BMPER: variants seen among roughly 807,000 people sequenced by gnomAD.
BMPER encodes BMP-binding endothelial regulator protein.
BMPER carries 45 observed loss-of-function variants against 87.3 expected under a neutral mutation model. The observed-to-expected ratio is 0.52, with a 90% confidence interval of 0.41 to 0.66. The LOEUF is 0.66. Among genes scored for constraint, BMPER ranks in the 30% least tolerant of loss-of-function variants. The probability of loss-of-function intolerance (pLI) is 0.00; values close to 1 mark genes in which losing one functional copy is unlikely to be tolerated. For synonymous variants in BMPER, 326 were observed against 316.2 expected, an observed-to-expected ratio of 1.03 and a Z score of -0.33; for missense variants, 784 against 867.5, an observed-to-expected ratio of 0.90 and a Z score of 1.21.
intron 2 of BMPER, among the ~76,000 whole-genome samples, chr7:33,928,605 G>C (rs1467684390): frequency 2.6e-5 from 3 of 115,458 alleles, no homozygotes; most frequent in African/African-American, 1.0e-4. Flanking sequence ...CTAATGGCCT[G>C]TGTTTCTTTG....
intron 9 of BMPER, among the ~76,000 whole-genome samples, chr7:34,057,541 G>A (rs2127963101): frequency 6.6e-6 from 1 of 152,262 alleles, no homozygotes; most frequent in East Asian, 1.9e-4. Flanking sequence ...TCTGAGCACT[G>A]GGAGTCATTT....
chr7:34,077,943 A>G (rs1007171979), intron 11 of BMPER, among the ~76,000 whole-genome samples: 3 of 151,856 alleles, frequency 2.0e-5, no homozygotes, highest in East Asian at 3.9e-4. Flanking sequence ...TTGGGCTACT[A>G]TCTCTAAATG....
intron 3 of BMPER, among the ~76,000 whole-genome samples, chr7:33,945,627 T>A (rs886585681): frequency 6.6e-6 from 1 of 152,258 alleles, no homozygotes; most frequent in East Asian, 1.9e-4. Context: ...TGTCTGTCCA[T>A]GTAGTATTGA....
In BMPER at chr7:33,922,921, T is replaced by G. The variant is rs546514881; in HGVS notation, c.220-14368T>G. ...CCTTCTAATATGTGGGAAGGAAATATTATGTTGAAAGTACAGAGAGGAGTA... is the reference window on the plus strand; with the variant it reads ...CCTTCTAATATGTGGGAAGGAAATAGTATGTTGAAAGTACAGAGAGGAGTA... On this transcript the variant is annotated intron_variant, in intron 2 of 14. Coordinates refer to ENST00000649409, the MANE Select transcript of BMPER (RefSeq NM_001365308.1). Among the ~76,000 whole-genome samples the G allele has an allele frequency of 7.9e-5, 12 of 152,254 alleles. No individual in the cohort carries two copies. In the South Asian group the frequency reaches 1.7e-3, roughly 21 times the overall value.
chr7:33,912,378 T>A (rs1056058794), intron 2 of BMPER, among the ~76,000 whole-genome samples: 1 of 152,218 alleles, frequency 6.6e-6, no homozygotes, highest in African/African-American at 2.4e-5. Context: ...TTTTGTTGCC[T>A]ACTTACTCAA....
intron 2 of BMPER, among the ~76,000 whole-genome samples, chr7:33,916,367 G>T (rs1174122293): frequency 6.6e-6 from 1 of 152,188 alleles, no homozygotes. Context: ...ATTAAATCAG[G>T]AAGTGGCAGG....
intron 13 of BMPER, among the ~76,000 whole-genome samples, chr7:34,116,350 G>GT: frequency 6.6e-6 from 1 of 152,080 alleles, no homozygotes; most frequent in Non-Finnish European, 1.5e-5. Flanking sequence ...AATACAGTGA[G>GT]TTTTTTTTCC....
chr7:34,007,895 G>T (rs149707242), intron 6 of BMPER, among the ~76,000 whole-genome samples: 2 of 152,006 alleles, frequency 1.3e-5, no homozygotes, highest in East Asian at 1.9e-4. Flanking sequence ...TCTTTTTGAA[G>T]GCTGCAGTGA....
At position 33,920,930 on chromosome 7, in the gene BMPER, C is replaced by T. The variant is rs17170496; in HGVS notation, c.219+14027C>T. 6.0e-3 allele frequency among the ~76,000 whole-genome samples: 907 copies of T among 152,272 alleles called. 24 individuals carry two copies. The East Asian group carries it at 0.082, about 14-fold the overall frequency. ...TTTATAATAGGTCAACTACCGTTTA[C>T]GTAATGTTGCTTTCGTGGAACTTTT... is the stretch of plus-strand genomic sequence containing the variant. On this transcript the variant is annotated intron_variant, in intron 2 of 14. Coordinates refer to ENST00000649409, the MANE Select transcript of BMPER (RefSeq NM_001365308.1).
intron 3 of BMPER, among the ~76,000 whole-genome samples, chr7:33,946,942 T>G (rs945511352): frequency 2.6e-5 from 4 of 152,232 alleles, no homozygotes. Context: ...ATAGTGCTGC[T>G]TACCAAATTG....
intron 13 of BMPER, among the ~76,000 whole-genome samples, chr7:34,124,730 T>C (rs1296294443): frequency 6.6e-6 from 1 of 152,180 alleles, no homozygotes; most frequent in African/African-American, 2.4e-5. Flanking sequence ...AAGCATCCTT[T>C]TTTTGAATTT....
At chr7:34,039,621 C>G (rs993682159) in intron 6 of BMPER, among the ~76,000 whole-genome samples, 1 of 151,740 alleles carries the variant, frequency 6.6e-6, no homozygotes, top group African/African-American at 2.4e-5. Context: ...CACACACACA[C>G]ACACACACAC....
intron 13 of BMPER, among the ~76,000 whole-genome samples, chr7:34,092,322 A>G (rs1789408157): frequency 1.3e-5 from 2 of 152,066 alleles, no homozygotes; most frequent in Non-Finnish European, 2.9e-5. Flanking sequence ...TATAATTCAC[A>G]AGTCTCTTGG....
intron 11 of BMPER, among the ~76,000 whole-genome samples, chr7:34,073,559 A>G (rs937713192): frequency 2.6e-5 from 4 of 152,252 alleles, no homozygotes; most frequent in African/African-American, 9.6e-5. Flanking sequence ...ACCCTTCTGT[A>G]TACATGGCAG....
In BMPER at chr7:33,919,377, G is replaced by T. The variant is rs117921004; in HGVS notation, c.219+12474G>T. Among the ~76,000 whole-genome samples the T allele has an allele frequency of 8.5e-4, 129 of 152,332 alleles. No homozygotes were observed. In the East Asian group the frequency reaches 0.024, roughly 29 times the overall value. On this transcript the variant is annotated intron_variant, in intron 2 of 14. Coordinates refer to ENST00000649409, the MANE Select transcript of BMPER (RefSeq NM_001365308.1). ...TATTGCGATGTACCTGAATGAGGGG[G>T]TATTTAAATTCAGAGTGAATTTGCA...
chr7:34,056,155 G>A (rs576065772), intron 9 of BMPER, among the ~76,000 whole-genome samples: 75 of 152,286 alleles, frequency 4.9e-4, no homozygotes, highest in African/African-American at 1.7e-3. Context: ...ATGAAGTGTC[G>A]CATGGTCTCA....
At chr7:34,060,086 C>T (rs956187725) in intron 10 of BMPER, among the ~76,000 whole-genome samples, 1 of 152,050 alleles carries the variant, frequency 6.6e-6, no homozygotes, top group Non-Finnish European at 1.5e-5. Flanking sequence ...ATTTCTAGAC[C>T]CTGCTTATGG....
intron 13 of BMPER, among the ~76,000 whole-genome samples, chr7:34,089,722 G>T (rs1032214150): frequency 6.6e-6 from 1 of 152,156 alleles, no homozygotes; most frequent in African/African-American, 2.4e-5. Context: ...GACCTCAGGT[G>T]ATCTGCCTGC....
At chr7:34,122,196 A>C (rs1355548064) in intron 13 of BMPER, among the ~76,000 whole-genome samples, 2 of 152,110 alleles carry the variant, frequency 1.3e-5, no homozygotes, top group African/African-American at 4.8e-5. Flanking sequence ...GATTAGTAAG[A>C]TATCTGGGCT....
Sources: allele counts gnomAD v4.1 joint callset (sites outside exome capture counted in the v4.1 genomes callset), GRCh38; gene constraint gnomAD v4.1.1; transcripts MANE v1.5; gene names NCBI Gene and HGNC (gene_info 2026-07-23, HGNC 2026-07-21).